Variants in CNTRL observed in about 807,000 individuals in gnomAD.
CNTRL encodes centriolin.
Under a neutral mutation model 303.7 loss-of-function variants are expected in CNTRL, and 233 were observed. That is an observed-to-expected ratio of 0.77 (90% CI 0.69 to 0.86). The LOEUF (loss-of-function observed/expected upper bound fraction) is 0.86. Ranked by LOEUF, CNTRL falls within the 40% of genes least tolerant of loss-of-function variation. The probability of loss-of-function intolerance (pLI) is 0.00; values close to 1 mark genes in which losing one functional copy is unlikely to be tolerated. For synonymous variants in CNTRL, 900 were observed against 922.2 expected (o/e 0.98, Z 0.44); for missense variants, 2,524 against 2,650.6 (o/e 0.95, Z 1.05).
At chr9:121,104,324 A>G (rs2049342073) in intron 7 of CNTRL, among the ~76,000 whole-genome samples, 1 of 152,156 alleles carries the variant, frequency 6.6e-6, no homozygotes, top group Non-Finnish European at 1.5e-5. Context: ...GAACTGAACA[A>G]TGAGAACACT....
chr9:121,149,550 C>T (rs1399371892), intron 24 of CNTRL, among the ~76,000 whole-genome samples: 4 of 151,932 alleles, frequency 2.6e-5, no homozygotes, highest in Non-Finnish European at 4.4e-5. Flanking sequence ...GGATTACAGG[C>T]GTGCACCACC....
chr9:121,105,142 A>G (rs945743691), intron 7 of CNTRL, among the ~76,000 whole-genome samples: 1 of 152,238 alleles, frequency 6.6e-6, no homozygotes, highest in Non-Finnish European at 1.5e-5. Flanking sequence ...AGTCTATGCC[A>G]TACCATCTGA....
intron 5 of CNTRL, 138 bp downstream of exon 5, chr9:121,095,156 ATGTC>A: frequency 3.0e-6 from 2 of 664,920 alleles, no homozygotes; most frequent in East Asian, 3.1e-5. Flanking sequence ...AATCAAATGA[ATGTC>A]TGTCTCTTCA....
intron 15 of CNTRL, among the ~76,000 whole-genome samples, chr9:121,136,730 A>G (rs539457218): frequency 1.3e-5 from 2 of 152,320 alleles, no homozygotes; most frequent in Admixed American, 1.3e-4. Flanking sequence ...ATAAATATTT[A>G]TTGATTGGCC....
At chr9:121,082,303 G>A (rs1394271219) in intron 2 of CNTRL, among the ~76,000 whole-genome samples, 8 of 152,192 alleles carry the variant, frequency 5.3e-5, no homozygotes, top group Non-Finnish European at 8.8e-5. Context: ...TTGACTGCCT[G>A]TGATTGAAGC....
intron 14 of CNTRL, among the ~76,000 whole-genome samples, 158 bp from the exon 15 acceptor site, chr9:121,135,648 C>T (rs1212916485): frequency 6.6e-6 from 1 of 152,172 alleles, no homozygotes; most frequent in African/African-American, 2.4e-5. Flanking sequence ...AGGATATGCA[C>T]AACCTGAGGC....
intron 10 of CNTRL, 22 bp from the exon 11 acceptor site, chr9:121,115,069 A>G (rs2049916449): frequency 7.0e-7 from 1 of 1,427,930 alleles, no homozygotes; most frequent in African/African-American, 1.4e-5. Context: ...ATATTATGTG[A>G]GCATGGTTTT....
intron 41 of CNTRL, 48 bp downstream of exon 41, chr9:121,173,557 C>A: frequency 6.2e-7 from 1 of 1,609,216 alleles, no homozygotes; most frequent in Non-Finnish European, 8.5e-7. Context: ...TTGACCACCT[C>A]CCCCAGCTAA....
rs757504143 is a variant in CNTRL at position 121,125,752 on chromosome 9, TAGA to T, written c.1844_1846del (p.Glu615del). ...GCAAATGAAGCCCTGAAGAAGGATT[TAGA>T]AGGTGTTATCAGTGGGTTGCAAGAA... On this transcript the variant is annotated inframe_deletion, in exon 14 of 44. Coordinates refer to ENST00000373855, the MANE Select transcript of CNTRL (RefSeq NM_007018.6). 1 of 1,614,182 alleles carries T rather than the reference TAGA, an allele frequency of 6.2e-7. No individual in the cohort carries two copies. The highest frequency in any genetic ancestry group is 8.5e-7 in the Non-Finnish European group (1 of 1,180,012).
intron 15 of CNTRL, among the ~76,000 whole-genome samples, chr9:121,137,928 CT>C (rs914872485): frequency 2.0e-4 from 30 of 152,312 alleles, no homozygotes; most frequent in African/African-American, 7.2e-4. Flanking sequence ...GACATTCCCC[CT>C]CCCTCAGCAC....
chr9:121,121,762 C>G, intron 12 of CNTRL: 1 of 985,226 alleles, frequency 1.0e-6, no homozygotes, highest in Non-Finnish European at 1.2e-6. Context: ...TGGGCGGGGC[C>G]GCCGCTCACT....
intron 23 of CNTRL, 123 bp from the exon 24 acceptor site, chr9:121,148,549 T>C: frequency 1.2e-6 from 1 of 856,362 alleles, no homozygotes. Flanking sequence ...ATAAGGATAA[T>C]GAAAAGAAGC....
intron 4 of CNTRL, among the ~76,000 whole-genome samples, chr9:121,092,543 T>A (rs28505004): frequency 0.22 from 355 of 1,646 alleles, 94 homozygotes; most frequent in East Asian, 0.72. Context: ...CTATATATAT[T>A]ATATATATCT....
At chr9:121,172,163 A>G (rs2053335055) in intron 40 of CNTRL, among the ~76,000 whole-genome samples, 2 of 152,188 alleles carry the variant, frequency 1.3e-5, no homozygotes, top group Non-Finnish European at 2.9e-5. Flanking sequence ...TATACCCACC[A>G]TTTAATTCAA....
intron 15 of CNTRL, among the ~76,000 whole-genome samples, chr9:121,136,983 A>C (rs1214691516): frequency 6.6e-6 from 1 of 152,174 alleles, no homozygotes; most frequent in Non-Finnish European, 1.5e-5. Flanking sequence ...GGACAGGGTG[A>C]AAGGAGTAAA....
intron 1 of CNTRL, among the ~76,000 whole-genome samples, chr9:121,076,894 G>A (rs924252882): frequency 5.3e-5 from 8 of 152,116 alleles, no homozygotes; most frequent in Admixed American, 6.5e-5. Context: ...CCAATTAAAG[G>A]GCTAAGGAGA....
At chr9:121,086,633 CTT>C (rs60828602) in intron 2 of CNTRL, among the ~76,000 whole-genome samples, 10 of 119,206 alleles carry the variant, frequency 8.4e-5, no homozygotes, top group Admixed American at 2.5e-4. Context: ...GCTGGATTTA[CTT>C]TTTTTTTTTT....
chr9:121,136,086 C>A (rs971881505), intron 15 of CNTRL, 104 bp downstream of exon 15: 6 of 1,075,974 alleles, frequency 5.6e-6, no homozygotes, highest in Admixed American at 2.9e-5. Flanking sequence ...TTTTTTCATA[C>A]AATATATATG....
At chr9:121,167,947 C>A in intron 37 of CNTRL, 149 bp from the exon 38 acceptor site, 1 of 738,990 alleles carries the variant, frequency 1.4e-6, no homozygotes, top group Non-Finnish European at 2.2e-6. Context: ...CAGATAGCTT[C>A]CCAAGCCCTC....
Sources: allele counts gnomAD v4.1 joint callset (sites outside exome capture counted in the v4.1 genomes callset), GRCh38; gene constraint gnomAD v4.1.1; transcripts MANE v1.5; gene names NCBI Gene and HGNC (gene_info 2026-07-23, HGNC 2026-07-21).